ATP2A2: variants seen among roughly 807,000 people sequenced by gnomAD.
ATP2A2 encodes the protein ATPase sarcoplasmic/endoplasmic reticulum Ca2+ transporting 2.
Under a neutral mutation model 109.3 loss-of-function variants are expected in ATP2A2, and 14 were observed. The ratio of observed to expected loss-of-function variants is 0.13; its 90% CI spans 0.08 to 0.20. ATP2A2 has a LOEUF of 0.20. Ranked by LOEUF, ATP2A2 falls within the 10% of genes least tolerant of loss-of-function variation. ATP2A2 has a pLI of 1.00. For synonymous variants in ATP2A2, 506 were observed against 490.9 expected, an observed-to-expected ratio of 1.03 and a Z score of -0.41; for missense variants, 657 against 1,321.6, an observed-to-expected ratio of 0.50 and a Z score of 7.80.
At chr12:110,311,043 T>C (rs981762089) in intron 5 of ATP2A2, among the ~76,000 whole-genome samples, 1 of 152,258 alleles carries the variant, frequency 6.6e-6, no homozygotes, top group African/African-American at 2.4e-5. Context: ...CAAGGAGCTT[T>C]CTTGCTCTAA....
intron 11 of ATP2A2, among the ~76,000 whole-genome samples, chr12:110,334,828 T>TC (rs1408959247): frequency 6.6e-6 from 1 of 152,118 alleles, no homozygotes; most frequent in Non-Finnish European, 1.5e-5. Context: ...CCTCAGGTGA[T>TC]CCGCCCACCT....
intron 4 of ATP2A2, 120 bp downstream of exon 4, chr12:110,292,244 T>G: frequency 2.6e-6 from 2 of 781,404 alleles, no homozygotes; most frequent in Non-Finnish European, 4.4e-6. Context: ...TTGCGGGAAG[T>G]TTACATGTAT....
At chr12:110,341,063 A>G in intron 14 of ATP2A2, 69 bp downstream of exon 14, 1 of 1,554,604 alleles carries the variant, frequency 6.4e-7, no homozygotes, top group Non-Finnish European at 8.8e-7. Context: ...AATTTTGACC[A>G]CTGAATTTTT....
At chr12:110,331,665 A>G (rs1878356160) in intron 8 of ATP2A2, 1 of 152,178 alleles carries the variant, frequency 6.6e-6, no homozygotes, top group South Asian at 2.1e-4. Context: ...TGAGTTTTAC[A>G]TTTTTTAAAT....
chr12:110,313,883 A>ATT (rs113891689), intron 5 of ATP2A2, among the ~76,000 whole-genome samples: 4 of 132,854 alleles, frequency 3.0e-5, no homozygotes, highest in Non-Finnish European at 6.6e-5. Flanking sequence ...GCTATTTTGT[A>ATT]TTTTTTTTTT....
chr12:110,324,909 G>A (rs1345665568), intron 6 of ATP2A2, among the ~76,000 whole-genome samples: 3 of 151,004 alleles, frequency 2.0e-5, no homozygotes, highest in African/African-American at 4.9e-5. Context: ...CTCTGCTTCC[G>A]GGGTTCAAGT....
At chr12:110,338,768 T>A (rs1478494119) in intron 11 of ATP2A2, among the ~76,000 whole-genome samples, 5 of 152,220 alleles carry the variant, frequency 3.3e-5, no homozygotes, top group Admixed American at 1.3e-4. Flanking sequence ...TTACTTGTCT[T>A]AAAAGCCAAA....
chr12:110,282,968 C>T (rs1872301632), intron 3 of ATP2A2, among the ~76,000 whole-genome samples, 173 bp downstream of exon 3: 1 of 152,138 alleles, frequency 6.6e-6, no homozygotes, highest in Non-Finnish European at 1.5e-5. Flanking sequence ...ACACTTGAAG[C>T]CATTGGTATT....
At chr12:110,300,240 T>C (rs1175839742) in intron 5 of ATP2A2, among the ~76,000 whole-genome samples, 1 of 142,116 alleles carries the variant, frequency 7.0e-6, no homozygotes, top group Non-Finnish European at 1.5e-5. Context: ...TTGTCCAGGC[T>C]ACAGTGGAGT....
chr12:110,341,878 A>G (rs1348478116), intron 14 of ATP2A2, among the ~76,000 whole-genome samples: 1 of 152,202 alleles, frequency 6.6e-6, no homozygotes, highest in South Asian at 2.1e-4. Context: ...AGAAAAATAA[A>G]AATTTGCATA....
chr12:110,327,284 G>C lies in ATP2A2; in HGVS notation c.631-269G>C, dbSNP rs552791610. Among the ~76,000 whole-genome samples the C allele has an allele frequency of 6.6e-5, 10 of 152,198 alleles. No individual in the cohort carries two copies. The highest frequency in any genetic ancestry group is 2.4e-4 in the African/African-American group (10 of 41,464). On this transcript the variant is annotated intron_variant, in intron 7 of 19. Transcript: ENST00000539276. This position sits in a 1 kb window ranked among gnomAD's most constrained non-coding sequence, Gnocchi z 4.4. The stretch of plus-strand genomic sequence containing the variant: ...ATGAGTTTGAAAAATTGGGAACACA[G>C]AGGGGTTAAGAGCACTGCTTGAAGA...
At chr12:110,290,945 GT>G (rs1873203826) in intron 3 of ATP2A2, among the ~76,000 whole-genome samples, 1 of 145,086 alleles carries the variant, frequency 6.9e-6, no homozygotes, top group African/African-American at 2.6e-5. Context: ...TTTTGCTTTT[GT>G]TGCCCAGGCT....
rs1221056843 is a variant in ATP2A2, at chr12:110,292,385, G to A, written c.324+261G>A. ...AGGTTCAAGTGGTTCTCGTGCCTCA[G>A]CCTCCCAAGTAGCTGGGACTACAGG... On this transcript the variant is annotated intron_variant, in intron 4 of 19. Transcript: ENST00000539276. Among the ~76,000 whole-genome samples, 4 of 152,070 alleles carry A rather than the reference G, an allele frequency of 2.6e-5. No homozygotes were observed. In the South Asian group the frequency reaches 6.2e-4, roughly 24 times the overall value.
At chr12:110,307,534 A>C (rs896683731) in intron 5 of ATP2A2, among the ~76,000 whole-genome samples, 1 of 152,136 alleles carries the variant, frequency 6.6e-6, no homozygotes, top group African/African-American at 2.4e-5. Flanking sequence ...GTGCCCAGCA[A>C]TAATAGTCAC....
chr12:110,336,652 T>C (rs1360167015), intron 11 of ATP2A2, among the ~76,000 whole-genome samples: 1 of 152,212 alleles, frequency 6.6e-6, no homozygotes, highest in Non-Finnish European at 1.5e-5. Flanking sequence ...TGAGGCAGCA[T>C]TTTGTCTCCT....
rs1465496951 is a variant in ATP2A2 at position 110,349,624 on chromosome 12, G to A, written c.*3154G>A. 29 of 986,412 alleles carry A rather than the reference G, an allele frequency of 2.9e-5. No homozygotes were observed. Among genetic ancestry groups the A allele is most frequent in the Non-Finnish European group, 3.4e-5 (28 of 830,580 alleles). 61.1% of individuals were successfully genotyped at this position (986,412 alleles called of 1,614,324 possible). A position where few individuals can be genotyped will look rare whatever the true frequency, so the allele number is the denominator to read the frequency against. The stretch of plus-strand genomic sequence containing the variant: ...GACTGGAGCTTCAGCCCTGACTGAG[G>A]TGGGCAGACCTAAGACCTGAGACCA... On this transcript the variant is annotated 3_prime_UTR_variant, in exon 20 of 20. Transcript: ENST00000539276.
chr12:110,308,142 T>C (rs1875584176), intron 5 of ATP2A2, among the ~76,000 whole-genome samples: 1 of 152,230 alleles, frequency 6.6e-6, no homozygotes, highest in Non-Finnish European at 1.5e-5. Flanking sequence ...TATGGGTTCC[T>C]TAAGATTTTC....
chr12:110,313,591 A>G (rs1566218880), intron 5 of ATP2A2, among the ~76,000 whole-genome samples: 1 of 151,638 alleles, frequency 6.6e-6, no homozygotes, highest in Non-Finnish European at 1.5e-5. Context: ...CTGGGATTAC[A>G]GGTGTGAGCC....
chr12:110,304,195 T>C (rs1875001873), intron 5 of ATP2A2, among the ~76,000 whole-genome samples: 1 of 152,252 alleles, frequency 6.6e-6, no homozygotes, highest in South Asian at 2.1e-4. Flanking sequence ...ATTTGGGTTG[T>C]TTCCAGTTTT....
Sources: gnomAD v4.1 joint callset for allele counts (sites outside exome capture counted in the v4.1 genomes callset) on GRCh38, gnomAD v4.1.1 for gene constraint, Gnocchi (gnomAD v3.1) non-coding constraint, MANE v1.5 for transcripts, NCBI Gene and HGNC (gene_info 2026-07-23, HGNC 2026-07-21) for gene names.